PRKCH: variants seen among roughly 807,000 people sequenced by gnomAD.
PRKCH encodes the protein protein kinase C eta, also known as protein kinase C eta type.
In PRKCH, 28 loss-of-function variants were observed where a neutral mutation model predicts 82.5. The ratio of observed to expected loss-of-function variants is 0.34; its 90% confidence interval spans 0.25 to 0.47. The LOEUF is 0.47. Among genes scored for constraint, PRKCH ranks in the 20% least tolerant of loss-of-function variants. PRKCH has a pLI of 1.00. For synonymous variants in PRKCH, 322 were observed against 327.4 expected (o/e 0.98, Z 0.18); for missense variants, 705 against 881.8 (o/e 0.80, Z 2.54).
intron 1 of PRKCH, among the ~76,000 whole-genome samples, chr14:61,389,085 T>C (rs1229642528): frequency 4.6e-5 from 7 of 152,206 alleles, no homozygotes; most frequent in Non-Finnish European, 1.0e-4. Context: ...GTTAAGAATC[T>C]TTGAGATTGG....
chr14:61,350,878 A>G (rs2046065145), intron 1 of PRKCH, among the ~76,000 whole-genome samples: 1 of 152,212 alleles, frequency 6.6e-6, no homozygotes, highest in Non-Finnish European at 1.5e-5. Context: ...CATGGTTGGC[A>G]AACATTTCTG....
intron 9 of PRKCH, among the ~76,000 whole-genome samples, chr14:61,459,921 G>T (rs1884952976): frequency 1.3e-5 from 2 of 152,130 alleles, no homozygotes; most frequent in South Asian, 2.1e-4. Context: ...ATGGCTCACT[G>T]CAGCCTCAAG....
At chr14:61,246,192 G>A (rs1303812090) in intron 1 of PRKCH, among the ~76,000 whole-genome samples, 1 of 151,556 alleles carries the variant, frequency 6.6e-6, no homozygotes, top group African/African-American at 2.4e-5. Flanking sequence ...GATCACCTGA[G>A]GTCAGGAGTT....
At chr14:61,253,519 G>A (rs2044967551) in intron 1 of PRKCH, among the ~76,000 whole-genome samples, 1 of 152,122 alleles carries the variant, frequency 6.6e-6, no homozygotes, top group Non-Finnish European at 1.5e-5. Flanking sequence ...CACTGGGGTG[G>A]GGGGCAGGGA....
At chr14:61,189,528 C>G (rs937912678) in intron 1 of PRKCH, among the ~76,000 whole-genome samples, 5 of 151,660 alleles carry the variant, frequency 3.3e-5, no homozygotes, top group African/African-American at 1.2e-4. Context: ...CTCTCCCCTT[C>G]CTCTCTCTCT....
At chr14:61,352,061 G>C (rs1204522587) in intron 1 of PRKCH, among the ~76,000 whole-genome samples, 1 of 152,064 alleles carries the variant, frequency 6.6e-6, no homozygotes, top group Non-Finnish European at 1.5e-5. Context: ...GCACAAAGGG[G>C]TGGCAACTTG....
At chr14:61,352,814 A>G (rs1212037522) in intron 1 of PRKCH, among the ~76,000 whole-genome samples, 1 of 152,214 alleles carries the variant, frequency 6.6e-6, no homozygotes, top group Non-Finnish European at 1.5e-5. Flanking sequence ...CTATTTCTGA[A>G]ATGAGAATGA....
At chr14:61,322,584 CTT>C in intron 1 of PRKCH, 120 bp downstream of exon 1, 1 of 1,405,042 alleles carries the variant, frequency 7.1e-7, no homozygotes. Context: ...TCCCTCCAGA[CTT>C]TGGTCTTCGT....
rs763634003 is a variant in PRKCH at position 61,453,309 on chromosome 14, C to T, written c.916C>T (p.Leu306=). The change falls in exon 7 of 14, where the codon CTG becomes TTG. Residue 306 remains leucine, a synonymous_variant. Coordinates refer to ENST00000332981, the MANE Select transcript of PRKCH (RefSeq NM_006255.5). ...AAATGCGGTGGAACTTGCCAAGACC[C>T]TGGCAGGGATGGGTCTCCAACCCGG... ...GVNAVELAKT[L]AGMGLQPGNI... is the part of the protein sequence containing the mutation. 1 of 1,614,108 alleles carries T rather than the reference C, an allele frequency of 6.2e-7. No homozygotes were observed. Among genetic ancestry groups the T allele is most frequent in the Non-Finnish European group, 8.5e-7 (1 of 1,179,984 alleles).
At chr14:61,202,129 G>C (rs1022836135) in intron 1 of PRKCH, among the ~76,000 whole-genome samples, 5 of 152,160 alleles carry the variant, frequency 3.3e-5, no homozygotes, top group African/African-American at 1.2e-4. Flanking sequence ...TCCAAAGGCT[G>C]GAACCACAGC....
At chr14:61,444,711 C>G (rs1884138289) in intron 3 of PRKCH, among the ~76,000 whole-genome samples, 1 of 152,158 alleles carries the variant, frequency 6.6e-6, no homozygotes, top group Admixed American at 6.5e-5. Flanking sequence ...TCATCACCAA[C>G]TGGGTGTGTG....
intron 1 of PRKCH, among the ~76,000 whole-genome samples, chr14:61,333,546 A>G (rs529658316): frequency 1.3e-5 from 2 of 152,288 alleles, no homozygotes; most frequent in East Asian, 3.9e-4. Context: ...AATTTTAGAG[A>G]AAAAGATGTT....
At chr14:61,287,371 G>C (rs1383043669) in intron 1 of PRKCH, among the ~76,000 whole-genome samples, 1 of 151,978 alleles carries the variant, frequency 6.6e-6, no homozygotes, top group Non-Finnish European at 1.5e-5. Flanking sequence ...TGAGACAGAG[G>C]GGAAGGAAGA....
intron 1 of PRKCH, among the ~76,000 whole-genome samples, chr14:61,329,007 A>G (rs2140124780): frequency 6.6e-6 from 1 of 151,946 alleles, no homozygotes; most frequent in Admixed American, 6.5e-5. Context: ...AAAGCTGAAA[A>G]AACAGTCAAC....
At chr14:61,188,438 C>CTCCGGG in intron 1 of PRKCH, among the ~76,000 whole-genome samples, 1 of 151,992 alleles carries the variant, frequency 6.6e-6, no homozygotes, top group Admixed American at 6.6e-5. Flanking sequence ...CCGGCTCCGG[C>CTCCGGG]TCCGGGTCGG....
intron 2 of PRKCH, among the ~76,000 whole-genome samples, chr14:61,439,981 G>C (rs754075350): frequency 6.6e-6 from 1 of 152,116 alleles, no homozygotes; most frequent in African/African-American, 2.4e-5. Context: ...GTAGTATTAA[G>C]GGATTAAAAA....
At chr14:61,224,655 C>T (rs1371637050) in intron 1 of PRKCH, among the ~76,000 whole-genome samples, 1 of 152,182 alleles carries the variant, frequency 6.6e-6, no homozygotes, top group Non-Finnish European at 1.5e-5. Context: ...AGGTATATTG[C>T]TACTCCCATC....
chr14:61,306,950 A>G (rs1255310744), intron 1 of PRKCH: 1 of 152,222 alleles, frequency 6.6e-6, no homozygotes, highest in Non-Finnish European at 1.5e-5. Flanking sequence ...CTGAAAAGAC[A>G]TTTTTAAAGA....
intron 1 of PRKCH, among the ~76,000 whole-genome samples, chr14:61,229,975 G>C (rs1594863292): frequency 6.6e-6 from 1 of 152,134 alleles, no homozygotes; most frequent in Non-Finnish European, 1.5e-5. Flanking sequence ...TTTTATTTTT[G>C]TAAGAGTGGG....
Sources: gnomAD v4.1 joint callset for allele counts (sites outside exome capture counted in the v4.1 genomes callset) on GRCh38, gnomAD v4.1.1 for gene constraint, MANE v1.5 for transcripts, NCBI Gene and HGNC (gene_info 2026-07-23, HGNC 2026-07-21) for gene names.